Variants in PID1 observed in about 807,000 individuals in gnomAD.
PID1 encodes PTB-containing, cubilin and LRP1-interacting protein.
PID1 carries 10 observed loss-of-function variants against 19.1 expected under a neutral mutation model. That is an observed-to-expected ratio of 0.52 (90% CI 0.32 to 0.89). The LOEUF is 0.89. Among genes scored for constraint, PID1 ranks in the 40% least tolerant of loss-of-function variants. The pLI, the probability that PID1 is intolerant of heterozygous loss-of-function variation, is 0.03. For synonymous variants in PID1, 130 were observed against 116.0 expected, an observed-to-expected ratio of 1.12 and a Z score of -0.78; for missense variants, 248 against 285.3, an observed-to-expected ratio of 0.87 and a Z score of 0.94.
At chr2:229,142,968 T>C (rs562638418) in intron 2 of PID1, among the ~76,000 whole-genome samples, 191 of 149,270 alleles carry the variant, frequency 1.3e-3, no homozygotes, top group African/African-American at 4.5e-3. Flanking sequence ...AATGATAGAC[T>C]GGATTAAGAA....
intron 1 of PID1, among the ~76,000 whole-genome samples, chr2:229,239,335 G>A (rs1689807268): frequency 6.6e-6 from 1 of 152,138 alleles, no homozygotes; most frequent in East Asian, 1.9e-4. Flanking sequence ...GCCTTTGGTT[G>A]AGAGGGAAAA....
In PID1 at chr2:229,145,150, T is replaced by C. The variant is rs1690100428; in HGVS notation, c.177+10668A>G. Among the ~76,000 whole-genome samples, 7 of 100,118 alleles carry C rather than the reference T, an allele frequency of 7.0e-5. No homozygotes were observed. In the South Asian group the frequency reaches 2.1e-3, roughly 30 times the overall value. 65.7% of individuals were successfully genotyped at this position (100,118 alleles called of 152,430 possible). On this transcript the variant is annotated intron_variant, in intron 2 of 2. Transcript: ENST00000392055. ...AACGAATGCTGAGTTTAAATATATGTATGTGTATATATATATATATATATA... is the reference window on the plus strand; with the variant it reads ...AACGAATGCTGAGTTTAAATATATGCATGTGTATATATATATATATATATA...
At chr2:229,123,447 G>T (rs1695562782) in intron 2 of PID1, among the ~76,000 whole-genome samples, 1 of 152,148 alleles carries the variant, frequency 6.6e-6, no homozygotes, top group African/African-American at 2.4e-5. Context: ...TGAGTTCTTT[G>T]TACTTTCTGG....
chr2:229,177,724 T>C (rs1217500821), intron 1 of PID1, among the ~76,000 whole-genome samples: 1 of 152,158 alleles, frequency 6.6e-6, no homozygotes, highest in Non-Finnish European at 1.5e-5. Context: ...ACCCCTGGCA[T>C]CTTTCATCAT....
chr2:229,125,790 C>G (rs537708277), intron 2 of PID1, among the ~76,000 whole-genome samples: 1 of 152,156 alleles, frequency 6.6e-6, no homozygotes, highest in Non-Finnish European at 1.5e-5. Flanking sequence ...TGCACATTTT[C>G]CCACGTGCAA....
intron 2 of PID1, among the ~76,000 whole-genome samples, chr2:229,112,390 G>A (rs373258096): frequency 9.2e-5 from 14 of 152,216 alleles, no homozygotes; most frequent in South Asian, 6.2e-4. Context: ...AACGTTAAAC[G>A]CTCCTTAGCA....
intron 1 of PID1, among the ~76,000 whole-genome samples, chr2:229,162,851 G>A (rs781209738): frequency 7.9e-5 from 12 of 152,094 alleles, no homozygotes; most frequent in Non-Finnish European, 1.3e-4. Context: ...TTTTTGTGAC[G>A]TTTAATAAGA....
At chr2:229,186,304 C>T (rs929963671) in intron 1 of PID1, among the ~76,000 whole-genome samples, 6 of 152,164 alleles carry the variant, frequency 3.9e-5, no homozygotes, top group East Asian at 1.9e-4. Flanking sequence ...TACAAGCTGT[C>T]GGTGGATCTA....
At chr2:229,252,843 T>C (rs1690190252) in intron 1 of PID1, among the ~76,000 whole-genome samples, 2 of 152,180 alleles carry the variant, frequency 1.3e-5, no homozygotes, top group Admixed American at 1.3e-4. Context: ...TGCAAAGCCA[T>C]TCATTTCCTA....
At chr2:229,249,179 T>C (rs1031386355) in intron 1 of PID1, among the ~76,000 whole-genome samples, 7 of 152,204 alleles carry the variant, frequency 4.6e-5, no homozygotes, top group Admixed American at 6.5e-5. Context: ...TAGAAATAAC[T>C]TGGGTACAAG....
intron 1 of PID1, among the ~76,000 whole-genome samples, chr2:229,157,935 A>G (rs1690409999): frequency 6.6e-6 from 1 of 150,532 alleles, no homozygotes; most frequent in Non-Finnish European, 1.5e-5. Flanking sequence ...ATGAAGGCAA[A>G]GTGGTGAGAG....
intron 2 of PID1, among the ~76,000 whole-genome samples, chr2:229,132,149 T>C (rs150435330): frequency 1.3e-5 from 2 of 152,248 alleles, no homozygotes; most frequent in Admixed American, 1.3e-4. Flanking sequence ...AAATTGGCTA[T>C]AAGAAAGGAA....
chr2:229,045,648 G>A (rs1693860195), intron 2 of PID1, among the ~76,000 whole-genome samples: 1 of 152,216 alleles, frequency 6.6e-6, no homozygotes, highest in Admixed American at 6.5e-5. Flanking sequence ...TGCCTTGCAT[G>A]GGCTATACAA....
At chr2:229,108,989 T>C (rs996531118) in intron 2 of PID1, among the ~76,000 whole-genome samples, 2 of 152,180 alleles carry the variant, frequency 1.3e-5, no homozygotes, top group African/African-American at 4.8e-5. Flanking sequence ...GATTTTATGA[T>C]GACAAGGTAC....
chr2:229,256,788 C>T (rs998045220), intron 1 of PID1, among the ~76,000 whole-genome samples: 5 of 152,126 alleles, frequency 3.3e-5, no homozygotes, highest in Non-Finnish European at 7.3e-5. Context: ...AAAGATGTGC[C>T]GGATACTAAG....
intron 2 of PID1, among the ~76,000 whole-genome samples, chr2:229,136,921 C>T (rs577963357): frequency 1.8e-4 from 27 of 152,214 alleles, no homozygotes; most frequent in Middle Eastern, 3.4e-3. Flanking sequence ...ACATGTTTCT[C>T]TTGGAGAAAT....
chr2:229,041,191 G>A (rs1265032535), intron 2 of PID1, among the ~76,000 whole-genome samples: 2 of 152,112 alleles, frequency 1.3e-5, no homozygotes, highest in African/African-American at 2.4e-5. Flanking sequence ...TCCCTACTCA[G>A]ACAGAGCTGT....
intron 2 of PID1, among the ~76,000 whole-genome samples, chr2:229,128,958 A>G (rs530868529): frequency 1.3e-5 from 2 of 152,298 alleles, no homozygotes; most frequent in East Asian, 3.9e-4. Flanking sequence ...TCCATGATGT[A>G]CTTATTTCAC....
chr2:229,037,523 A>G (rs1161312999), intron 2 of PID1, among the ~76,000 whole-genome samples: 2 of 152,142 alleles, frequency 1.3e-5, no homozygotes, highest in African/African-American at 2.4e-5. Flanking sequence ...TGTCCTGTCA[A>G]TTGGCTCTTG....
Sources: allele counts gnomAD v4.1 joint callset (sites outside exome capture counted in the v4.1 genomes callset), GRCh38; gene constraint gnomAD v4.1.1; transcripts MANE v1.5; gene names NCBI Gene and HGNC (gene_info 2026-07-23, HGNC 2026-07-21).